The following HK2 variants were observed in gnomAD, a reference collection of about 807,000 sequenced individuals.
The protein encoded by HK2 is hexokinase-2.
In HK2, 42 loss-of-function variants were observed where a neutral mutation model predicts 92.9. The ratio of observed to expected loss-of-function variants is 0.45; its 90% CI spans 0.35 to 0.58. HK2 has a LOEUF of 0.58. Ranked by LOEUF, HK2 falls within the 20% of genes least tolerant of loss-of-function variation. HK2 has a pLI of 0.00. For missense variants in HK2, 978 were observed against 1,245.1 expected (o/e 0.79, Z 3.23); for synonymous variants, 422 against 468.0 (o/e 0.90, Z 1.27).
At position 74,834,673 on chromosome 2, in the gene HK2, G is replaced by A; in HGVS notation, c.63+30G>A. Reference sequence around the variant, plus strand: ...GTCAGCGCGGGCGGGGCGGCAGGCTGGGCTCTGGCAAAGTGGTCTGGCCTC... The same window carrying A: ...GTCAGCGCGGGCGGGGCGGCAGGCTAGGCTCTGGCAAAGTGGTCTGGCCTC... On this transcript the variant is annotated intron_variant, in intron 1 of 17. Coordinates refer to ENST00000290573, the MANE Select transcript of HK2 (RefSeq NM_000189.5). The surrounding 1 kb of genome is among the most constrained non-coding windows in gnomAD (Gnocchi z 4.2). 4 of 1,611,522 alleles carry A rather than the reference G, an allele frequency of 2.5e-6. No homozygotes were observed. Among genetic ancestry groups the A allele is most frequent in the South Asian group, 2.2e-5 (2 of 91,036 alleles).
At chr2:74,849,197 T>G (rs1688511964) in intron 1 of HK2, among the ~76,000 whole-genome samples, 1 of 152,250 alleles carries the variant, frequency 6.6e-6, no homozygotes, top group Non-Finnish European at 1.5e-5. Context: ...GCTTCCCATT[T>G]TGGGTATTAT....
chr2:74,884,950 T>C (rs1330353663), intron 12 of HK2, among the ~76,000 whole-genome samples: 3 of 152,190 alleles, frequency 2.0e-5, no homozygotes, highest in Non-Finnish European at 4.4e-5. Flanking sequence ...GTCACCCAGC[T>C]GTGGGCAAAG....
At chr2:74,885,845 AACACACACACACACAC>A (rs71406901) in intron 13 of HK2, among the ~76,000 whole-genome samples, 22 of 129,152 alleles carry the variant, frequency 1.7e-4, no homozygotes, top group Admixed American at 6.8e-4. Context: ...AGAGCTGTGA[AACACACACACACACAC>A]ACACACACAC....
At chr2:74,882,605 T>TATATATATATATATATATATA in intron 12 of HK2, among the ~76,000 whole-genome samples, 1 of 75,660 alleles carries the variant, frequency 1.3e-5, no homozygotes, top group Non-Finnish European at 3.1e-5. Flanking sequence ...TCTATTGAAC[T>TATATATATATATATATATATA]TATATATATA....
In HK2 at chr2:74,877,329, T is replaced by C; in HGVS notation, c.1031+8T>C. 6.2e-7 allele frequency: 1 copy of C among 1,614,080 alleles called. No homozygotes were observed. Among genetic ancestry groups the C allele is most frequent in the South Asian group, 1.1e-5 (1 of 91,080 alleles). ...CATCTCAGACATTGAAGGGTGAGCT[T>C]CTGGCCAGCCCCCTCTATTTGCTGG... On this transcript the variant is annotated splice_region_variant and intron_variant, in intron 8 of 17. Coordinates refer to ENST00000290573, the MANE Select transcript of HK2 (RefSeq NM_000189.5).
chr2:74,834,482 A>G lies in HK2; in HGVS notation c.-99A>G, dbSNP rs1189094337. The G allele has an allele frequency of 1.6e-6, 2 of 1,229,562 alleles. No homozygotes were observed. Among genetic ancestry groups the G allele is most frequent in the Non-Finnish European group, 2.4e-6 (2 of 841,422 alleles). The allele number at this position is 1,229,562 out of a possible 1,614,324, so 76.2% of individuals were successfully genotyped here. On this transcript the variant is annotated 5_prime_UTR_variant, in exon 1 of 18. Transcript: ENST00000290573. The surrounding 1 kb of genome is among the most constrained non-coding windows in gnomAD (Gnocchi z 4.2). ...CCGGACTCCCAGCTCCCGGCCCGGC[A>G]GCCGAGCCCCAGCACAAAGCAGTCG...
intron 10 of HK2, among the ~76,000 whole-genome samples, chr2:74,881,196 G>T (rs979016185): frequency 3.9e-5 from 6 of 152,180 alleles, no homozygotes; most frequent in Non-Finnish European, 8.8e-5. Context: ...TGCTGTCTGG[G>T]CCTTTACAGA....
chr2:74,840,690 AC>A lies in HK2; in HGVS notation c.63+6051del, dbSNP rs1357113386. Among the ~76,000 whole-genome samples, 4 of 137,324 alleles carry A rather than the reference AC, an allele frequency of 2.9e-5. No homozygotes were observed. In the South Asian group the frequency reaches 7.2e-4, roughly 25 times the overall value. 90.1% of individuals were successfully genotyped at this position (137,324 alleles called of 152,430 possible). A position where few individuals can be genotyped will look rare whatever the true frequency, so the allele number is the denominator to read the frequency against. On this transcript the variant is annotated intron_variant, in intron 1 of 17. Coordinates refer to ENST00000290573, the MANE Select transcript of HK2 (RefSeq NM_000189.5). Reference sequence around the variant, plus strand: ...AGACCATCCTGGCTAACACGGTGAAACCCCGTCTCTACTAAAAATACAAAAA... The same window carrying A: ...AGACCATCCTGGCTAACACGGTGAAACCCGTCTCTACTAAAAATACAAAAA...
rs903607217 is a variant in HK2 at position 74,834,957 on chromosome 2, AGTC to A, written c.63+315_63+317del. ...TGGAGGGGCGGGTCACCCCGCAGGTAGTCAGGGATTGCTGCGCCCACGTGGGAG... is the reference window on the plus strand; with the variant it reads ...TGGAGGGGCGGGTCACCCCGCAGGTAAGGGATTGCTGCGCCCACGTGGGAG... On this transcript the variant is annotated intron_variant, in intron 1 of 17. Coordinates refer to ENST00000290573, the MANE Select transcript of HK2 (RefSeq NM_000189.5). This position sits in a 1 kb window ranked among gnomAD's most constrained non-coding sequence, Gnocchi z 4.2. 5.3e-5 allele frequency among the ~76,000 whole-genome samples: 8 copies of A among 152,120 alleles called. No individual in the cohort carries two copies.
rs992305303 is a variant in HK2, at chr2:74,881,874, G to A, written c.1719+15G>A. 11 of 1,613,438 alleles carry A rather than the reference G, an allele frequency of 6.8e-6. No individual in the cohort carries two copies. Among genetic ancestry groups the A allele is most frequent in the Non-Finnish European group, 6.8e-6 (8 of 1,179,528 alleles). On this transcript the variant is annotated intron_variant, in intron 11 of 17. Transcript: ENST00000290573. ...CCGGGGACGAGGTGAGCAGGGCGGC[G>A]CCTTCAGGAGGGGGCCCCTGGTGGA...
chr2:74,874,049 T>G (rs554311798), intron 6 of HK2, 106 bp downstream of exon 6: 2 of 997,906 alleles, frequency 2.0e-6, no homozygotes, highest in Non-Finnish European at 3.1e-6. Context: ...GTAGTTCATA[T>G]TAGAAGATAA....
chr2:74,865,732 C>T lies in HK2; in HGVS notation c.227-1904C>T, dbSNP rs116666886. Among the ~76,000 whole-genome samples the T allele has an allele frequency of 4.4e-3, 674 of 152,156 alleles. 5 individuals carry two copies. Among genetic ancestry groups the T allele is most frequent in the Non-Finnish European group, 6.6e-3 (450 of 68,024 alleles). On this transcript the variant is annotated intron_variant, in intron 2 of 17. Transcript: ENST00000290573. The stretch of plus-strand genomic sequence containing the variant: ...TAGTGCCCCTAAGGAGGAATGCTGC[C>T]GTCACTGGAGCCAATTCCAGTGACT...
chr2:74,852,073 G>A (rs1013952209), intron 1 of HK2, among the ~76,000 whole-genome samples: 6 of 152,200 alleles, frequency 3.9e-5, no homozygotes, highest in African/African-American at 1.4e-4. Context: ...AGAGATGCTG[G>A]CACTTCCTAC....
chr2:74,861,277 C>T (rs571947804), intron 2 of HK2, among the ~76,000 whole-genome samples: 8 of 152,138 alleles, frequency 5.3e-5, no homozygotes, highest in African/African-American at 1.4e-4. Flanking sequence ...AAAAATTAGC[C>T]GGTTGTGGTG....
intron 15 of HK2, among the ~76,000 whole-genome samples, chr2:74,887,270 C>T (rs992018180): frequency 6.6e-6 from 1 of 152,102 alleles, no homozygotes; most frequent in Non-Finnish European, 1.5e-5. Context: ...CCTCTAGGGG[C>T]CAGGCAGGCA....
intron 2 of HK2, among the ~76,000 whole-genome samples, chr2:74,861,973 T>C (rs1688842768): frequency 6.6e-6 from 1 of 152,210 alleles, no homozygotes; most frequent in African/African-American, 2.4e-5. Flanking sequence ...TGTTCACAGG[T>C]AAGTATACCT....
At chr2:74,882,777 C>G (rs1689435504) in intron 12 of HK2, among the ~76,000 whole-genome samples, 1 of 151,606 alleles carries the variant, frequency 6.6e-6, no homozygotes, top group Non-Finnish European at 1.5e-5. Flanking sequence ...GTGTCTTGCT[C>G]CAGGTCATAA....
At chr2:74,880,188 TG>T in intron 9 of HK2, 76 bp from the exon 10 acceptor site, 1 of 1,519,740 alleles carries the variant, frequency 6.6e-7, no homozygotes. Context: ...ATTAAGGCGG[TG>T]GGCAACTGTC....
At chr2:74,879,719 G>C (rs1246045632) in intron 9 of HK2, among the ~76,000 whole-genome samples, 1 of 152,228 alleles carries the variant, frequency 6.6e-6, no homozygotes, top group African/African-American at 2.4e-5. Context: ...TACCCAGAGA[G>C]TTCCTGGCTG....
Sources: allele counts gnomAD v4.1 joint callset (sites outside exome capture counted in the v4.1 genomes callset), GRCh38; gene constraint gnomAD v4.1.1; non-coding constraint Gnocchi (gnomAD v3.1); transcripts MANE v1.5; gene names NCBI Gene and HGNC (gene_info 2026-07-23, HGNC 2026-07-21).